PDE1A: variants seen among roughly 807,000 people sequenced by gnomAD.
The protein encoded by PDE1A is dual specificity calcium/calmodulin-dependent 3',5'-cyclic nucleotide phosphodiesterase 1A.
A neutral mutation model predicts 61.7 loss-of-function variants in PDE1A; 35 were observed. The observed-to-expected ratio is 0.57, with a 90% CI of 0.43 to 0.75. The LOEUF is 0.75. Ranked by LOEUF, PDE1A falls within the 30% of genes least tolerant of loss-of-function variation. PDE1A has a pLI of 0.00. For synonymous variants in PDE1A, 232 were observed against 213.2 expected (o/e 1.09, Z -0.77); for missense variants, 597 against 630.6 (o/e 0.95, Z 0.57).
At chr2:182,263,335 C>A (rs748537905) in intron 2 of PDE1A, among the ~76,000 whole-genome samples, 4 of 152,124 alleles carry the variant, frequency 2.6e-5, no homozygotes, top group Non-Finnish European at 4.4e-5. Context: ...AACTTGCTAA[C>A]ACCAAGAGAG....
At chr2:182,386,017 G>A (rs930851618) in intron 1 of PDE1A, among the ~76,000 whole-genome samples, 16 of 152,190 alleles carry the variant, frequency 1.1e-4, no homozygotes, top group Non-Finnish European at 1.0e-4. Flanking sequence ...GTGCCGCCAC[G>A]CCTGACTGTG....
intron 13 of PDE1A, among the ~76,000 whole-genome samples, chr2:182,150,717 A>G (rs1311006378): frequency 6.6e-6 from 1 of 152,216 alleles, no homozygotes; most frequent in Non-Finnish European, 1.5e-5. Flanking sequence ...AGGAGCAGGG[A>G]GGGGATAGTT....
chr2:182,468,853 C>G (rs1310249410), intron 2 of PDE1A, among the ~76,000 whole-genome samples: 2 of 152,016 alleles, frequency 1.3e-5, no homozygotes, highest in Non-Finnish European at 2.9e-5. Flanking sequence ...TTTTACATCA[C>G]TAGCAGAGCT....
intron 2 of PDE1A, among the ~76,000 whole-genome samples, chr2:182,517,058 C>A (rs531384408): frequency 2.8e-4 from 43 of 152,198 alleles, no homozygotes; most frequent in Non-Finnish European, 5.1e-4. Flanking sequence ...CTGCCTACCC[C>A]AAGCCTGGGA....
chr2:182,160,940 C>T (rs558324553), intron 13 of PDE1A, among the ~76,000 whole-genome samples: 1 of 152,250 alleles, frequency 6.6e-6, no homozygotes, highest in African/African-American at 2.4e-5. Context: ...CCTAAATAGT[C>T]TTTGGCGTGA....
At chr2:182,571,259 T>G in the PDE1A span, among the ~76,000 whole-genome samples, 1 of 152,134 alleles carries the variant, frequency 6.6e-6, no homozygotes, top group Admixed American at 6.5e-5. Context: ...TGCTTTCTTT[T>G]AAAATAGGGG....
chr2:182,253,782 A>G (rs1164223565), intron 2 of PDE1A, among the ~76,000 whole-genome samples: 3 of 152,202 alleles, frequency 2.0e-5, no homozygotes, highest in Non-Finnish European at 4.4e-5. Flanking sequence ...GATGTTTGAT[A>G]TATTCCATTT....
the PDE1A span, among the ~76,000 whole-genome samples, chr2:182,599,570 T>C: frequency 6.6e-6 from 1 of 152,210 alleles, no homozygotes; most frequent in Non-Finnish European, 1.5e-5. Flanking sequence ...AATGTGCTTC[T>C]CTGTGTTATT....
intron 1 of PDE1A, among the ~76,000 whole-genome samples, chr2:182,405,866 T>C (rs763549478): frequency 1.1e-4 from 17 of 152,152 alleles, no homozygotes; most frequent in African/African-American, 4.1e-4. Context: ...TAACATCACA[T>C]TGTACCCATA....
the PDE1A span, among the ~76,000 whole-genome samples, chr2:182,568,206 T>G: frequency 6.6e-6 from 1 of 152,172 alleles, no homozygotes; most frequent in Admixed American, 6.5e-5. Flanking sequence ...AAATTTTTGG[T>G]TTTTAATCTG....
chr2:182,567,048 CTTTA>C, the PDE1A span, among the ~76,000 whole-genome samples: 5 of 152,146 alleles, frequency 3.3e-5, no homozygotes, highest in Non-Finnish European at 7.4e-5. Context: ...TGATTAGTTA[CTTTA>C]TTTATTAGTA....
At chr2:182,178,622 C>T (rs974615799) in intron 13 of PDE1A, among the ~76,000 whole-genome samples, 1 of 152,004 alleles carries the variant, frequency 6.6e-6, no homozygotes, top group Admixed American at 6.6e-5. Flanking sequence ...TTCCCTTATC[C>T]AGCATTCTGA....
At chr2:182,299,457 A>G (rs781189432) in intron 1 of PDE1A, among the ~76,000 whole-genome samples, 2 of 145,990 alleles carry the variant, frequency 1.4e-5, no homozygotes, top group Non-Finnish European at 3.0e-5. Context: ...TTCAAATGCA[A>G]TGTGGCATCC....
At chr2:182,441,706 A>G (rs779722177) in intron 2 of PDE1A, among the ~76,000 whole-genome samples, 11 of 152,062 alleles carry the variant, frequency 7.2e-5, no homozygotes, top group Non-Finnish European at 1.5e-4. Flanking sequence ...AAAGTGCAAG[A>G]TAAATCTGGA....
intron 1 of PDE1A, among the ~76,000 whole-genome samples, chr2:182,397,609 A>G (rs1173204116): frequency 6.6e-6 from 1 of 152,162 alleles, no homozygotes; most frequent in Non-Finnish European, 1.5e-5. Context: ...TCAAAGACCC[A>G]TTAGAAGAAA....
chr2:182,394,875 A>T (rs1376641085), intron 1 of PDE1A, among the ~76,000 whole-genome samples: 2 of 152,216 alleles, frequency 1.3e-5, no homozygotes, highest in East Asian at 3.9e-4. Context: ...CAGTAAATCA[A>T]AAACAATATC....
the PDE1A span, among the ~76,000 whole-genome samples, chr2:182,703,485 G>T: frequency 7.6e-4 from 116 of 152,248 alleles, 1 homozygote; most frequent in African/African-American, 2.8e-3. Flanking sequence ...CCCAGCTCCC[G>T]GGTTGGGTAA....
rs575732647 is a variant in PDE1A at position 182,212,272 on chromosome 2, T to TACACAC, written c.777-6208_777-6207insGTGTGT. ...ATATATATATGTATACATTTATATA[T>TACACAC]ATATACACACACACACATAGTGGAA... On this transcript the variant is annotated intron_variant, in intron 7 of 13. Transcript: ENST00000351439. 3.4e-3 allele frequency among the ~76,000 whole-genome samples: 512 copies of TACACAC among 151,748 alleles called. 2 individuals carry two copies. The highest frequency in any genetic ancestry group is 0.012 in the African/African-American group (499 of 41,452).
chr2:182,142,695 T>A (rs1278216392), downstream of PDE1A: 1 of 152,214 alleles, frequency 6.6e-6, no homozygotes, highest in Non-Finnish European at 1.5e-5. Flanking sequence ...GAAGTAAATT[T>A]TAAAATACCT....
Sources: allele counts gnomAD v4.1 joint callset (sites outside exome capture counted in the v4.1 genomes callset), GRCh38; gene constraint gnomAD v4.1.1; transcripts MANE v1.5; gene names NCBI Gene and HGNC (gene_info 2026-07-23, HGNC 2026-07-21).